RSU1: variants seen among roughly 807,000 people sequenced by gnomAD.
RSU1 encodes rsu-1.
In RSU1, 26 loss-of-function variants were observed where a neutral mutation model predicts 31.1. The ratio of observed to expected loss-of-function variants is 0.84; its 90% CI spans 0.61 to 1.16. RSU1 has a LOEUF of 1.16. Among genes scored for constraint, RSU1 ranks in the 50% most tolerant of loss-of-function variants. RSU1 has a pLI of 0.00. For synonymous variants in RSU1, 164 were observed against 136.3 expected (o/e 1.20, Z -1.41); for missense variants, 320 against 339.1 (o/e 0.94, Z 0.44).
chr10:16,711,768 T>G (rs1836024986), intron 7 of RSU1, among the ~76,000 whole-genome samples: 1 of 152,212 alleles, frequency 6.6e-6, no homozygotes, highest in Non-Finnish European at 1.5e-5. Context: ...AGGATCTCTA[T>G]CTCAAATCTG....
At chr10:16,793,453 T>C (rs1837968512) in intron 2 of RSU1, among the ~76,000 whole-genome samples, 1 of 151,966 alleles carries the variant, frequency 6.6e-6, no homozygotes, top group South Asian at 2.1e-4. Context: ...CTAATTGGAG[T>C]CTATGAGTCC....
chr10:16,644,114 G>A (rs538065883), intron 8 of RSU1, among the ~76,000 whole-genome samples: 2 of 151,514 alleles, frequency 1.3e-5, no homozygotes, highest in African/African-American at 4.9e-5. Flanking sequence ...GTGGGGGGGG[G>A]TCCTAGAACC....
rs1301324354 is a variant in RSU1, at chr10:16,669,382, A to C, written c.731+25641T>G. The stretch of plus-strand genomic sequence containing the variant: ...CATTTTCTGTTTTTTTTCCCCCCCC[A>C]AAGCACCATACTGCTTTTTAACCAT... On this transcript the variant is annotated intron_variant, in intron 8 of 8. Transcript: ENST00000345264. Among the ~76,000 whole-genome samples, 6 of 145,934 alleles carry C rather than the reference A, an allele frequency of 4.1e-5. No individual in the cohort carries two copies. In the South Asian group the frequency reaches 1.4e-3, roughly 33 times the overall value.
At chr10:16,732,340 A>G (rs1836531676) in intron 7 of RSU1, among the ~76,000 whole-genome samples, 1 of 152,298 alleles carries the variant, frequency 6.6e-6, no homozygotes, top group African/African-American at 2.4e-5. Flanking sequence ...TAAAGCCCTA[A>G]GTGCTAATGT....
At chr10:16,634,496 C>T (rs1341614094) in intron 8 of RSU1, among the ~76,000 whole-genome samples, 2 of 152,204 alleles carry the variant, frequency 1.3e-5, no homozygotes, top group Non-Finnish European at 2.9e-5. Context: ...AGTCCTGTAT[C>T]ACCTTACAAT....
intron 8 of RSU1, among the ~76,000 whole-genome samples, chr10:16,670,789 A>G (rs1168853965): frequency 6.6e-6 from 1 of 152,014 alleles, no homozygotes; most frequent in Non-Finnish European, 1.5e-5. Context: ...TTTAAGCCTG[A>G]GTCTTGCTCT....
chr10:16,799,275 C>A (rs899754324), intron 2 of RSU1, among the ~76,000 whole-genome samples: 4 of 152,138 alleles, frequency 2.6e-5, no homozygotes, highest in African/African-American at 9.7e-5. Context: ...ACCATACTCA[C>A]AGTAAGAAGA....
chr10:16,699,273 T>TGTAA (rs1253116212), intron 7 of RSU1, among the ~76,000 whole-genome samples: 2 of 152,238 alleles, frequency 1.3e-5, no homozygotes, highest in African/African-American at 4.8e-5. Flanking sequence ...TACCTGTTTC[T>TGTAA]GTAGCGCTGC....
chr10:16,691,852 C>A (rs1030926125), intron 8 of RSU1, among the ~76,000 whole-genome samples: 2 of 151,466 alleles, frequency 1.3e-5, no homozygotes, highest in Non-Finnish European at 2.9e-5. Context: ...GATTCTCCTG[C>A]CTCAGCCTCC....
intron 7 of RSU1, chr10:16,721,774 T>A (rs144380433): frequency 2.5e-4 from 38 of 152,270 alleles, no homozygotes; most frequent in African/African-American, 8.9e-4. Flanking sequence ...TACATTGCCA[T>A]TAGAATCCCA....
At chr10:16,767,529 G>A (rs1342092097) in intron 3 of RSU1, 4 of 151,824 alleles carry the variant, frequency 2.6e-5, no homozygotes, top group African/African-American at 4.8e-5. Context: ...TGAATTTTTC[G>A]TTTAAGACTC....
intron 8 of RSU1, among the ~76,000 whole-genome samples, chr10:16,662,558 C>T (rs1834907919): frequency 1.3e-5 from 2 of 152,228 alleles, no homozygotes; most frequent in South Asian, 4.1e-4. Flanking sequence ...CTGATGGACT[C>T]TTGGGTGTCT....
chr10:16,593,580 G>A (rs989973815), intron 8 of RSU1, 84 bp from the exon 9 acceptor site: 5 of 1,056,464 alleles, frequency 4.7e-6, no homozygotes, highest in Non-Finnish European at 5.8e-6. Flanking sequence ...AGGAATAGAA[G>A]AATCTCCAAA....
intron 7 of RSU1, among the ~76,000 whole-genome samples, chr10:16,697,987 C>CTTTTTTTTTTTT (rs67816326): frequency 3.0e-5 from 3 of 99,562 alleles, no homozygotes; most frequent in East Asian, 6.7e-4. Flanking sequence ...AGGAACACAC[C>CTTTTTTTTTTTT]TTTTTTTTTT....
chr10:16,697,297 C>T (rs146045209), intron 7 of RSU1, among the ~76,000 whole-genome samples: 1,682 of 152,296 alleles, frequency 0.011, 32 homozygotes, highest in African/African-American at 0.039. Flanking sequence ...TGCCTCTAAT[C>T]TCTGCCCACA....
chr10:16,699,837 A>C (rs956738240), intron 7 of RSU1, among the ~76,000 whole-genome samples: 1 of 152,246 alleles, frequency 6.6e-6, no homozygotes, highest in African/African-American at 2.4e-5. Context: ...GCTGCTATGA[A>C]GATCGTATAT....
intron 7 of RSU1, among the ~76,000 whole-genome samples, chr10:16,701,678 C>T (rs78111438): frequency 0.015 from 2,285 of 152,134 alleles, 53 homozygotes; most frequent in African/African-American, 0.049. Flanking sequence ...CAAATAGTTC[C>T]AACACAAGCA....
At chr10:16,748,632 C>A (rs1343639597) in intron 7 of RSU1, among the ~76,000 whole-genome samples, 2 of 152,146 alleles carry the variant, frequency 1.3e-5, no homozygotes, top group African/African-American at 4.8e-5. Flanking sequence ...GAACCAGACC[C>A]CATTTCCTGT....
At position 16,719,054 on chromosome 10, in the gene RSU1, TAAGGCAGGAGGATTGCTTG is replaced by T. The variant is rs577015275; in HGVS notation, c.599-23918_599-23900del. On this transcript the variant is annotated intron_variant, in intron 7 of 8. Transcript: ENST00000345264. ...CTGTAATCCCAACACTTTGAGAGGC[TAAGGCAGGAGGATTGCTTG>T]AAGGCAGGAGGATTGCTTGACGGCA... is the stretch of plus-strand genomic sequence containing the variant. 1.5e-3 allele frequency among the ~76,000 whole-genome samples: 233 copies of T among 151,618 alleles called. 1 individual carries two copies. The highest frequency in any genetic ancestry group is 2.7e-3 in the Non-Finnish European group (183 of 67,958).
Sources: gnomAD v4.1 joint callset for allele counts (sites outside exome capture counted in the v4.1 genomes callset) on GRCh38, gnomAD v4.1.1 for gene constraint, MANE v1.5 for transcripts, NCBI Gene and HGNC (gene_info 2026-07-23, HGNC 2026-07-21) for gene names.